The following CERS6 variants were observed in gnomAD, a reference collection of about 807,000 sequenced individuals.
CERS6 encodes LAG1 homolog, ceramide synthase 6.
In CERS6, 26 loss-of-function variants were observed where a neutral mutation model predicts 56.8. That is an observed-to-expected ratio of 0.46 (90% CI 0.34 to 0.63). The LOEUF (loss-of-function observed/expected upper bound fraction) is 0.63. CERS6 is among the 30% of genes least tolerant of loss of function. The pLI is 0.01. For synonymous variants in CERS6, 164 were observed against 173.3 expected (o/e 0.95, Z 0.42); for missense variants, 415 against 467.5 (o/e 0.89, Z 1.04).
At chr2:168,631,829 AAT>A (rs1491409030) in intron 4 of CERS6, among the ~76,000 whole-genome samples, 7 of 131,206 alleles carry the variant, frequency 5.3e-5, no homozygotes, top group Non-Finnish European at 7.8e-5. Flanking sequence ...TATATTATAT[AAT>A]ATATATTATA....
intron 1 of CERS6, among the ~76,000 whole-genome samples, chr2:168,510,944 G>C (rs72875909): frequency 0.19 from 29,014 of 152,182 alleles, 3,176 homozygotes; most frequent in Non-Finnish European, 0.26. Context: ...AAAGTCCACA[G>C]CTATACAAAC....
Position 168,704,871 on chromosome 2 carries a change from T to G in CERS6, c.609+9820T>G, listed in dbSNP as rs373840775. ...CCTCGGCCTCCCAAAATGCTGAGAT[T>G]ACAGGCGTGAGCCTCCGCACCCGGC... On this transcript the variant is annotated intron_variant, in intron 6 of 9. Coordinates refer to ENST00000305747, the MANE Select transcript of CERS6 (RefSeq NM_203463.3). 1.4e-4 allele frequency among the ~76,000 whole-genome samples: 21 copies of G among 152,334 alleles called. No homozygotes were observed. The East Asian group carries it at 2.5e-3, about 18-fold the overall frequency.
intron 3 of CERS6, among the ~76,000 whole-genome samples, chr2:168,607,542 C>G (rs1159135085): frequency 6.6e-6 from 1 of 152,010 alleles, no homozygotes; most frequent in Non-Finnish European, 1.5e-5. Flanking sequence ...CCACTATGCC[C>G]GGCTAATTTT....
At chr2:168,764,569 C>G (rs573442293) in intron 8 of CERS6, among the ~76,000 whole-genome samples, 28 of 152,228 alleles carry the variant, frequency 1.8e-4, no homozygotes, top group Admixed American at 1.6e-3. Context: ...TAAGGACCCT[C>G]TAATGACTCT....
intron 1 of CERS6, among the ~76,000 whole-genome samples, chr2:168,535,810 T>A (rs569087671): frequency 2.0e-5 from 3 of 151,150 alleles, no homozygotes; most frequent in Non-Finnish European, 4.4e-5. Context: ...TTATTGGTAT[T>A]CTTATTTTTC....
intron 4 of CERS6, among the ~76,000 whole-genome samples, chr2:168,684,154 A>G (rs1169734647): frequency 6.6e-6 from 1 of 152,214 alleles, no homozygotes; most frequent in Non-Finnish European, 1.5e-5. Context: ...ATCAATATGA[A>G]GGACTCTTTA....
chr2:168,734,482 C>G (rs1683652940), intron 8 of CERS6, among the ~76,000 whole-genome samples: 1 of 152,158 alleles, frequency 6.6e-6, no homozygotes, highest in Non-Finnish European at 1.5e-5. Flanking sequence ...ACCATTTATG[C>G]CACTATAAAT....
At chr2:168,730,062 G>T (rs1683476775) in intron 8 of CERS6, among the ~76,000 whole-genome samples, 1 of 152,208 alleles carries the variant, frequency 6.6e-6, no homozygotes, top group African/African-American at 2.4e-5. Flanking sequence ...CTGAGACTTT[G>T]CAGCCCATGT....
intron 4 of CERS6, among the ~76,000 whole-genome samples, chr2:168,642,801 C>T (rs567402547): frequency 6.6e-6 from 1 of 152,280 alleles, no homozygotes; most frequent in African/African-American, 2.4e-5. Context: ...CTTATAATGA[C>T]TTACATACTA....
At chr2:168,759,767 TGTTTTTGTGAAGCAAAAACAAAGTA>T (rs1684515378) in intron 8 of CERS6, among the ~76,000 whole-genome samples, 1 of 152,184 alleles carries the variant, frequency 6.6e-6, no homozygotes, top group Non-Finnish European at 1.5e-5. Context: ...AGTTTACAAC[TGTTTTTGTGAAGCAAAAACAAAGTA>T]GTCTTAAATA....
chr2:168,485,014 G>C (rs1385254855), intron 1 of CERS6, among the ~76,000 whole-genome samples: 1 of 152,166 alleles, frequency 6.6e-6, no homozygotes, highest in African/African-American at 2.4e-5. Flanking sequence ...ATGTAGGCAG[G>C]CTCTCATTAG....
chr2:168,734,870 G>A (rs1392771376), intron 8 of CERS6, among the ~76,000 whole-genome samples: 1 of 152,158 alleles, frequency 6.6e-6, no homozygotes, highest in Non-Finnish European at 1.5e-5. Context: ...GAGTCAAGCT[G>A]CTATTTTCAC....
chr2:168,533,097 A>C (rs1695196596), intron 1 of CERS6, among the ~76,000 whole-genome samples: 2 of 152,224 alleles, frequency 1.3e-5, no homozygotes, highest in African/African-American at 4.8e-5. Flanking sequence ...CTGATAACAA[A>C]TTTTAAAAGT....
intron 4 of CERS6, among the ~76,000 whole-genome samples, chr2:168,681,948 T>G (rs1227827938): frequency 6.6e-6 from 1 of 152,246 alleles, no homozygotes; most frequent in Non-Finnish European, 1.5e-5. Context: ...CTCATTCATA[T>G]TGCTACAAAT....
intron 1 of CERS6, among the ~76,000 whole-genome samples, chr2:168,525,904 C>A (rs1246993359): frequency 2.0e-5 from 3 of 152,152 alleles, no homozygotes; most frequent in Admixed American, 2.0e-4. Flanking sequence ...AAATGACCTT[C>A]ATTTTAAAAA....
At chr2:168,459,654 G>A (rs1358167131) in intron 1 of CERS6, among the ~76,000 whole-genome samples, 3 of 151,958 alleles carry the variant, frequency 2.0e-5, no homozygotes, top group East Asian at 3.9e-4. Context: ...CCCCCAACTG[G>A]GCTGATTCTC....
Position 168,657,965 on chromosome 2 carries a change from C to A in CERS6, c.465+26923C>A, listed in dbSNP as rs538163817. On this transcript the variant is annotated intron_variant, in intron 4 of 9. Coordinates refer to ENST00000305747, the MANE Select transcript of CERS6 (RefSeq NM_203463.3). The stretch of plus-strand genomic sequence containing the variant: ...AGGCAGGGGAGGTGCCGAGAGCAAG[C>A]GAGGGCTCTGAGGACTGCCAGCACA... 3.3e-5 allele frequency among the ~76,000 whole-genome samples: 5 copies of A among 152,314 alleles called. No homozygotes were observed. The South Asian group carries it at 1.0e-3, about 32-fold the overall frequency.
chr2:168,720,610 T>G (rs1364326818), intron 8 of CERS6, among the ~76,000 whole-genome samples: 1 of 152,208 alleles, frequency 6.6e-6, no homozygotes, highest in Non-Finnish European at 1.5e-5. Flanking sequence ...GTGCTGAAGT[T>G]TCCTCATCTC....
chr2:168,726,668 C>T (rs910586771), intron 8 of CERS6, among the ~76,000 whole-genome samples: 1 of 152,146 alleles, frequency 6.6e-6, no homozygotes, highest in Admixed American at 6.5e-5. Flanking sequence ...CTCTACCTAC[C>T]TTACCAAAAA....
Sources: gnomAD v4.1 joint callset for allele counts (sites outside exome capture counted in the v4.1 genomes callset) on GRCh38, gnomAD v4.1.1 for gene constraint, MANE v1.5 for transcripts, NCBI Gene and HGNC (gene_info 2026-07-23, HGNC 2026-07-21) for gene names.